Variants in HMGB1 observed in about 807,000 individuals in gnomAD.
HMGB1 encodes high mobility group protein B1.
For missense variants in HMGB1, 79 were observed against 253.5 expected (o/e 0.31, Z 4.67); for synonymous variants, 81 against 84.0 (o/e 0.96, Z 0.19).
intron 2 of HMGB1, 28 bp from the exon 3 acceptor site, chr13:30,463,380 G>T (rs746817748): frequency 2.6e-5 from 41 of 1,576,130 alleles, no homozygotes; most frequent in Non-Finnish European, 3.4e-5. Flanking sequence ...GTAAGTTTAA[G>T]TTGTAACATT....
At position 30,583,993 on chromosome 13, in the gene HMGB1, C is replaced by A. The variant is rs115811746; in HGVS notation, c.-15+32678G>T. 7.6e-3 allele frequency among the ~76,000 whole-genome samples: 1,130 copies of A among 147,774 alleles called. 15 individuals carry two copies. Among genetic ancestry groups the A allele is most frequent in the African/African-American group, 0.027 (1,066 of 39,826 alleles). On this transcript the variant is annotated intron_variant, in intron 1 of 4. Transcript: ENST00000405805. The stretch of plus-strand genomic sequence containing the variant: ...GTGCTCTGGTCTGGAGAGAGTGAGA[C>A]CTTGTCTCTAAAGAAGAGAAAAGAA...
At chr13:30,474,032 G>T (rs9551924) in intron 1 of HMGB1, among the ~76,000 whole-genome samples, 71,148 of 152,026 alleles carry the variant, frequency 0.47, 16,955 homozygotes, top group East Asian at 0.74. Context: ...ATTAGTGGCT[G>T]CCAGGGTTTG....
intron 1 of HMGB1, among the ~76,000 whole-genome samples, chr13:30,552,545 C>T (rs952199679): frequency 2.6e-5 from 4 of 152,190 alleles, no homozygotes; most frequent in African/African-American, 7.2e-5. Flanking sequence ...TATCTCTCTT[C>T]GATACTTTTA....
rs58424009 is a variant in HMGB1, at chr13:30,537,652, C to CATATATATATAT, written c.-14-73970_-14-73959dup. On this transcript the variant is annotated intron_variant, in intron 1 of 4. Coordinates refer to the HMGB1 transcript ENST00000405805. ...TGGTGGCAATTCATTCATTCTTGTT[C>CATATATATATAT]ATATATATATATATATATATATATA... 3.0e-3 allele frequency among the ~76,000 whole-genome samples: 202 copies of CATATATATATAT among 67,966 alleles called. 5 individuals carry two copies. The highest frequency in any genetic ancestry group is 4.7e-3 in the Non-Finnish European group (133 of 28,492). 44.6% of individuals were successfully genotyped at this position (67,966 alleles called of 152,430 possible). A position where few individuals can be genotyped will look rare whatever the true frequency, so the allele number is the denominator to read the frequency against.
intron 1 of HMGB1, among the ~76,000 whole-genome samples, chr13:30,600,779 C>A (rs1201641653): frequency 6.6e-6 from 1 of 152,158 alleles, no homozygotes; most frequent in Non-Finnish European, 1.5e-5. Context: ...AAATCTGAAA[C>A]ACTTCTGGTC....
At chr13:30,469,467 T>A (rs201725966), upstream of HMGB1, among the ~76,000 whole-genome samples, 5 of 55,920 alleles carry the variant, frequency 8.9e-5, 1 homozygote, top group Non-Finnish European at 2.2e-4. Flanking sequence ...GTATTTTTTG[T>A]TTTTTTTTTT....
At chr13:30,546,144 T>A (rs879562150) in intron 1 of HMGB1, among the ~76,000 whole-genome samples, 7 of 151,758 alleles carry the variant, frequency 4.6e-5, no homozygotes, top group Non-Finnish European at 4.4e-5. Context: ...TGAGACGGAG[T>A]CTTGCTCTGT....
Position 30,464,391 on chromosome 13 carries a change from C to A in HMGB1, c.-14-697G>T, listed in dbSNP as rs921309453. On this transcript the variant is annotated intron_variant, in intron 1 of 4. Coordinates refer to ENST00000341423, the MANE Select transcript of HMGB1 (RefSeq NM_002128.7). ...ATGAGGGACAAAAGCCACTCCTGCT[C>A]GTGGCTCGGTGGCCCCCTCCCCCAA... is the stretch of plus-strand genomic sequence containing the variant. 9.1e-6 allele frequency: 9 copies of A among 985,354 alleles called. No homozygotes were observed. In the African/African-American group the frequency reaches 1.0e-4, roughly 11 times the overall value. The allele number at this position is 985,354 out of a possible 1,614,324, so 61.0% of individuals were successfully genotyped here.
At chr13:30,572,689 A>C (rs1870486109) in intron 1 of HMGB1, among the ~76,000 whole-genome samples, 1 of 152,232 alleles carries the variant, frequency 6.6e-6, no homozygotes, top group Non-Finnish European at 1.5e-5. Context: ...GAACAAAGTG[A>C]ATGAAATACA....
intron 1 of HMGB1, among the ~76,000 whole-genome samples, chr13:30,496,184 G>T (rs144407128): frequency 2.0e-5 from 3 of 152,324 alleles, no homozygotes; most frequent in Admixed American, 6.5e-5. Context: ...AAAAGGAAAA[G>T]AATTGAAGTT....
At chr13:30,498,780 T>C (rs902469646) in intron 1 of HMGB1, among the ~76,000 whole-genome samples, 4 of 151,652 alleles carry the variant, frequency 2.6e-5, no homozygotes, top group African/African-American at 9.7e-5. Flanking sequence ...CCCGAGTAGC[T>C]GGGACTACAG....
At chr13:30,569,366 AAAAAAGTGAATT>A (rs1182505972) in intron 1 of HMGB1, among the ~76,000 whole-genome samples, 1 of 152,196 alleles carries the variant, frequency 6.6e-6, no homozygotes, top group Non-Finnish European at 1.5e-5. Context: ...ATATCCTGTC[AAAAAAGTGAATT>A]TTTGTGGGCT....
chr13:30,495,321 C>T (rs538558141), intron 1 of HMGB1, among the ~76,000 whole-genome samples: 3 of 152,176 alleles, frequency 2.0e-5, no homozygotes, highest in Non-Finnish European at 2.9e-5. Flanking sequence ...TAATGCTGTT[C>T]TGCAGTTTGC....
intron 1 of HMGB1, among the ~76,000 whole-genome samples, chr13:30,529,879 G>A (rs1429363693): frequency 6.6e-6 from 1 of 152,134 alleles, no homozygotes; most frequent in African/African-American, 2.4e-5. Flanking sequence ...ACGTTTCTAA[G>A]CATATTATTT....
intron 1 of HMGB1, among the ~76,000 whole-genome samples, chr13:30,548,061 T>C (rs183087405): frequency 9.2e-5 from 14 of 152,356 alleles, no homozygotes; most frequent in Admixed American, 7.8e-4. Context: ...ATACCACTGT[T>C]TCAGGTTTTA....
intron 1 of HMGB1, among the ~76,000 whole-genome samples, chr13:30,538,806 T>TTCCTTTCTCC (rs1868717426): frequency 6.6e-6 from 1 of 151,166 alleles, no homozygotes. Context: ...TTCCTTTCTC[T>TTCCTTTCTCC]CTCTCTCCCC....
intron 1 of HMGB1, among the ~76,000 whole-genome samples, chr13:30,533,866 C>CTTT (rs398056244): frequency 1.3e-3 from 192 of 142,800 alleles, no homozygotes; most frequent in African/African-American, 4.2e-3. Context: ...TAAAGACTAT[C>CTTT]TTTTTTTTTT....
chr13:30,498,558 C>A (rs1354504767), intron 1 of HMGB1, among the ~76,000 whole-genome samples: 2 of 151,834 alleles, frequency 1.3e-5, no homozygotes, highest in East Asian at 3.9e-4. Flanking sequence ...CCACGTCTAG[C>A]TATAGAGTAG....
At chr13:30,465,321 C>G (rs1229374337) in intron 1 of HMGB1, 1 of 139,392 alleles carries the variant, frequency 7.2e-6, no homozygotes, top group African/African-American at 2.6e-5. Context: ...GCCGCGCTCC[C>G]CGCCAGCGCC....
Sources: allele counts gnomAD v4.1 joint callset (sites outside exome capture counted in the v4.1 genomes callset), GRCh38; gene constraint gnomAD v4.1.1; transcripts MANE v1.5; gene names NCBI Gene and HGNC (gene_info 2026-07-23, HGNC 2026-07-21).